The following A1CF variants were observed in gnomAD, a reference collection of about 807,000 sequenced individuals.
A1CF encodes APOBEC-1 stimulating protein.
Under a neutral mutation model 68.9 loss-of-function variants are expected in A1CF, and 48 were observed. The ratio of observed to expected loss-of-function variants is 0.70; its 90% CI spans 0.55 to 0.89. The LOEUF (loss-of-function observed/expected upper bound fraction) is 0.89, where lower values mean the gene tolerates loss of function less well. A1CF is among the 40% of genes least tolerant of loss of function. The pLI is 0.00. For missense variants in A1CF, 653 were observed against 718.9 expected, an observed-to-expected ratio of 0.91 and a Z score of 1.05; for synonymous variants, 272 against 260.4, an observed-to-expected ratio of 1.04 and a Z score of -0.43.
chr10:50,836,404 G>A (rs1033296994), intron 5 of A1CF, 92 bp from the exon 6 acceptor site: 16 of 1,403,334 alleles, frequency 1.1e-5, no homozygotes, highest in African/African-American at 1.4e-5. Flanking sequence ...GCCTGAAGAT[G>A]TGGGATGTTT....
At chr10:50,869,976 AC>A (rs1841172635) in intron 1 of A1CF, among the ~76,000 whole-genome samples, 1 of 151,846 alleles carries the variant, frequency 6.6e-6, no homozygotes, top group Non-Finnish European at 1.5e-5. Context: ...AAAATATCAT[AC>A]TTTTCATGAA....
At chr10:50,810,093 T>G (rs762682796) in intron 11 of A1CF, 51 bp from the exon 12 acceptor site, 5 of 1,602,826 alleles carry the variant, frequency 3.1e-6, no homozygotes, top group Admixed American at 1.7e-5. Context: ...TACAACTGAG[T>G]CAGGTGAAAA....
rs1399888785 is a variant in A1CF, at chr10:50,816,164, G to C, written c.983C>G (p.Thr328Ser). ...ATCATAAACTTGGCCCAAAGAGTAG[G>C]TATACTCTCCTTGCAGCATGGTGCC... ...GRGTMLQGEY[T>S]YSLGQVYDPT... Residue 328 changes from threonine to serine, a missense_variant, in exon 9 of 13, where the codon ACC becomes AGC. Transcript: ENST00000373997. 1 of 1,613,754 alleles carries C rather than the reference G, an allele frequency of 6.2e-7. No homozygotes were observed. Among genetic ancestry groups the C allele is most frequent in the South Asian group, 1.1e-5 (1 of 91,070 alleles).
chr10:50,807,005 G>A (rs1169360359), intron 12 of A1CF, 125 bp from the exon 13 acceptor site: 1 of 942,730 alleles, frequency 1.1e-6, no homozygotes, highest in East Asian at 2.7e-5. Flanking sequence ...TAATATATAT[G>A]TTTTAAAAAG....
At chr10:50,824,784 C>G (rs1838841840) in intron 7 of A1CF, among the ~76,000 whole-genome samples, 1 of 152,160 alleles carries the variant, frequency 6.6e-6, no homozygotes, top group Non-Finnish European at 1.5e-5. Context: ...CTGCGACCTG[C>G]TAGCTGTGTG....
intron 12 of A1CF, among the ~76,000 whole-genome samples, chr10:50,807,141 A>T (rs1837871580): frequency 6.6e-6 from 1 of 152,318 alleles, no homozygotes; most frequent in Admixed American, 6.5e-5. Context: ...AGAGAATTAA[A>T]GATGCTTGGG....
rs948078354 is a variant in A1CF at position 50,801,939 on chromosome 10, G to T, written c.*4790C>A. The stretch of plus-strand genomic sequence containing the variant: ...ATAAAGTTTGCAATCTCCCACAAAT[G>T]AGCCTACATATACATTGCTATCTAT... On this transcript the variant is annotated 3_prime_UTR_variant, in exon 13 of 13. Coordinates refer to ENST00000373997, the MANE Select transcript of A1CF (RefSeq NM_014576.4). 6.6e-5 allele frequency: 10 copies of T among 152,124 alleles called. No individual in the cohort carries two copies. The highest frequency in any genetic ancestry group is 6.6e-4 in the Admixed American group (10 of 15,266). The allele number at this position is 152,124 out of a possible 1,614,324, so 9.4% of individuals were successfully genotyped here.
chr10:50,845,086 A>G (rs538141379), intron 3 of A1CF, among the ~76,000 whole-genome samples: 9 of 152,308 alleles, frequency 5.9e-5, no homozygotes, highest in Non-Finnish European at 1.0e-4. Context: ...ACTTAAAAAG[A>G]TATCATATGA....
At chr10:50,848,182 G>A (rs1840084855) in intron 3 of A1CF, among the ~76,000 whole-genome samples, 2 of 152,110 alleles carry the variant, frequency 1.3e-5, no homozygotes, top group Non-Finnish European at 2.9e-5. Flanking sequence ...CATACAAGCA[G>A]TAAACAGCAG....
intron 4 of A1CF, among the ~76,000 whole-genome samples, chr10:50,842,797 G>A (rs1839839971): frequency 6.6e-6 from 1 of 152,176 alleles, no homozygotes; most frequent in Non-Finnish European, 1.5e-5. Context: ...AATGAACACA[G>A]ATATGTTTCA....
intron 7 of A1CF, among the ~76,000 whole-genome samples, chr10:50,826,409 G>A (rs914864207): frequency 1.3e-5 from 2 of 151,978 alleles, no homozygotes; most frequent in African/African-American, 4.8e-5. Flanking sequence ...AAGCATAGGT[G>A]CTTTTAAAGA....
At chr10:50,875,492 G>A (rs1225717188) in intron 1 of A1CF, among the ~76,000 whole-genome samples, 2 of 152,228 alleles carry the variant, frequency 1.3e-5, no homozygotes, top group African/African-American at 4.8e-5. Context: ...AGGAGCAGAT[G>A]TAGGAGAGTT....
At chr10:50,817,731 A>G (rs917898803) in intron 8 of A1CF, among the ~76,000 whole-genome samples, 1 of 152,204 alleles carries the variant, frequency 6.6e-6, no homozygotes, top group Non-Finnish European at 1.5e-5. Flanking sequence ...GATGTTTTGC[A>G]TGGAATGATT....
At chr10:50,810,635 A>G (rs1030387918) in intron 11 of A1CF, among the ~76,000 whole-genome samples, 4 of 152,068 alleles carry the variant, frequency 2.6e-5, no homozygotes, top group Non-Finnish European at 5.9e-5. Flanking sequence ...CTGAGTAACT[A>G]TGACTACAGG....
At chr10:50,859,320 C>A (rs1477048398) in intron 3 of A1CF, among the ~76,000 whole-genome samples, 1 of 152,058 alleles carries the variant, frequency 6.6e-6, no homozygotes, top group African/African-American at 2.4e-5. Flanking sequence ...GTGGTGTTTT[C>A]TTTTTTCCTT....
intron 6 of A1CF, chr10:50,828,572 C>T (rs1037805829): frequency 2.2e-5 from 6 of 268,418 alleles, no homozygotes; most frequent in Non-Finnish European, 4.2e-5. Flanking sequence ...GCAGAGGCCA[C>T]ATTTGGCTCT....
At chr10:50,849,960 A>AT (rs1238265767) in intron 3 of A1CF, among the ~76,000 whole-genome samples, 4 of 151,976 alleles carry the variant, frequency 2.6e-5, no homozygotes, top group African/African-American at 7.2e-5. Context: ...TGCCTGGCTA[A>AT]TTTTTTGTAC....
chr10:50,849,413 A>T (rs1167282530), intron 3 of A1CF, among the ~76,000 whole-genome samples: 1 of 152,346 alleles, frequency 6.6e-6, no homozygotes, highest in Admixed American at 6.5e-5. Flanking sequence ...TACAAGATGT[A>T]TGCAACTTGA....
chr10:50,847,266 C>T (rs1186122408), intron 3 of A1CF, among the ~76,000 whole-genome samples: 1 of 152,170 alleles, frequency 6.6e-6, no homozygotes, highest in African/African-American at 2.4e-5. Context: ...AAACCGTTGT[C>T]TCTCTAGAGT....
Sources: gnomAD v4.1 joint callset for allele counts (sites outside exome capture counted in the v4.1 genomes callset) on GRCh38, gnomAD v4.1.1 for gene constraint, MANE v1.5 for transcripts, NCBI Gene and HGNC (gene_info 2026-07-23, HGNC 2026-07-21) for gene names.